Variants in MIA2 observed in about 807,000 individuals in gnomAD.
MIA2 encodes melanoma inhibitory activity protein 2.
Under a neutral mutation model 167.8 loss-of-function variants are expected in MIA2, and 127 were observed. The observed-to-expected ratio is 0.76, with a 90% CI of 0.66 to 0.88. The LOEUF (loss-of-function observed/expected upper bound fraction) is 0.88, where lower values mean the gene tolerates loss of function less well. MIA2 is among the 40% of genes least tolerant of loss of function. MIA2 has a pLI of 0.00. For missense variants in MIA2, 1,690 were observed against 1,624.7 expected, an observed-to-expected ratio of 1.04 and a Z score of -0.69; for synonymous variants, 552 against 541.9, an observed-to-expected ratio of 1.02 and a Z score of -0.26.
chr14:39,281,952 A>AT (rs2059015345), intron 9 of MIA2, among the ~76,000 whole-genome samples: 1 of 151,842 alleles, frequency 6.6e-6, no homozygotes, highest in Non-Finnish European at 1.5e-5. Context: ...TTTATGTGTT[A>AT]TTTTTATTTT....
intron 9 of MIA2, among the ~76,000 whole-genome samples, chr14:39,286,925 C>T (rs1171361486): frequency 1.3e-5 from 2 of 151,282 alleles, no homozygotes; most frequent in Admixed American, 1.3e-4. Flanking sequence ...AGGGTTTCAC[C>T]ATGTTGGACA....
rs1447752279 is a variant in MIA2 at position 39,356,873 on chromosome 14, T to G, written c.2248+7896T>G. On this transcript the variant is annotated intron_variant, in intron 23 of 23. Coordinates refer to the MIA2 transcript ENST00000341502. Reference sequence around the variant, plus strand: ...GTAGTTGAGCAGTTTTGAGTGAGTTTCTTAATCCTGAGTTCTAGTTTGATT... The same window carrying G: ...GTAGTTGAGCAGTTTTGAGTGAGTTGCTTAATCCTGAGTTCTAGTTTGATT... Among the ~76,000 whole-genome samples, 3 of 152,232 alleles carry G rather than the reference T, an allele frequency of 2.0e-5. No individual in the cohort carries two copies. In the East Asian group the frequency reaches 5.8e-4, roughly 29 times the overall value.
At chr14:39,327,456 A>G (rs1402878222) in intron 25 of MIA2, among the ~76,000 whole-genome samples, 1 of 152,146 alleles carries the variant, frequency 6.6e-6, no homozygotes, top group East Asian at 1.9e-4. Context: ...TGTACCATTC[A>G]TCCTCTTTTG....
At chr14:39,302,082 G>A (rs757015692) in intron 14 of MIA2, 47 bp from the exon 15 acceptor site, 3 of 1,585,988 alleles carry the variant, frequency 1.9e-6, no homozygotes, top group Admixed American at 3.5e-5. Flanking sequence ...AAAGCTGTTA[G>A]CATAAGGCAT....
rs1314742019 is a variant in MIA2 at position 39,347,701 on chromosome 14, T to C, written c.3779-12T>C. ...AATCATGTACTTTTCATGGTTTAACTTTTATGTCTAGATGGGTCAATGCCT... is the reference window on the plus strand; with the variant it reads ...AATCATGTACTTTTCATGGTTTAACCTTTATGTCTAGATGGGTCAATGCCT... On this transcript the variant is annotated splice_polypyrimidine_tract_variant and intron_variant, in intron 26 of 28. Transcript: ENST00000640607. 2 of 1,611,880 alleles carry C rather than the reference T, an allele frequency of 1.2e-6. No homozygotes were observed. Among genetic ancestry groups the C allele is most frequent in the African/African-American group, 1.3e-5 (1 of 74,786 alleles).
At chr14:39,331,421 T>C (rs2068850752) in intron 25 of MIA2, among the ~76,000 whole-genome samples, 1 of 152,244 alleles carries the variant, frequency 6.6e-6, no homozygotes, top group South Asian at 2.1e-4. Flanking sequence ...TTTGCCATTC[T>C]CTGTCTTTTA....
At chr14:39,301,832 G>A (rs1190698577) in intron 14 of MIA2, among the ~76,000 whole-genome samples, 3 of 152,046 alleles carry the variant, frequency 2.0e-5, no homozygotes, top group Non-Finnish European at 4.4e-5. Context: ...TGTTATTTGT[G>A]GCATGTGAGA....
In MIA2 at chr14:39,349,096, G is replaced by T. The variant is rs531919260; in HGVS notation, c.4072+119G>T. 1.7e-4 allele frequency: 208 copies of T among 1,254,912 alleles called. No homozygotes were observed. In the African/African-American group the frequency reaches 2.9e-3, roughly 18 times the overall value. The allele number at this position is 1,254,912 out of a possible 1,614,324, so 77.7% of individuals were successfully genotyped here. A position where few individuals can be genotyped will look rare whatever the true frequency, so the allele number is the denominator to read the frequency against. ...AGGAAAGTTTTTTCTAGCATTCTGTGAATCTGAAAATTCTCATTACTTTTC... is the reference window on the plus strand; with the variant it reads ...AGGAAAGTTTTTTCTAGCATTCTGTTAATCTGAAAATTCTCATTACTTTTC... On this transcript the variant is annotated intron_variant, in intron 28 of 28. Coordinates refer to ENST00000640607, the MANE Select transcript of MIA2 (RefSeq NM_001329214.4).
Position 39,250,760 on chromosome 14 carries a change from T to C in MIA2, c.1568-1988T>C, listed in dbSNP as rs182450067. Among the ~76,000 whole-genome samples, 26 of 149,636 alleles carry C rather than the reference T, an allele frequency of 1.7e-4. 1 individual carries two copies. In the East Asian group the frequency reaches 3.9e-3, roughly 22 times the overall value. On this transcript the variant is annotated intron_variant, in intron 4 of 28. Transcript: ENST00000640607. ...TAAAATTTATCATTTTATATAGAGA[T>C]ACTGGAAGAATTTCTAAAATTGGTA...
chr14:39,285,544 C>T (rs537610965), intron 9 of MIA2, among the ~76,000 whole-genome samples: 9 of 141,528 alleles, frequency 6.4e-5, no homozygotes, highest in Non-Finnish European at 7.7e-5. Flanking sequence ...CCCTCCCGGA[C>T]GGGATGGCTG....
Position 39,294,033 on chromosome 14 carries a change from G to A in MIA2, c.2353G>A (p.Glu785Lys), listed in dbSNP as rs1489619222. The change falls in exon 12 of 29, where the codon GAA becomes AAA. Residue 785 changes from glutamate to lysine, a missense_variant. Coordinates refer to ENST00000640607, the MANE Select transcript of MIA2 (RefSeq NM_001329214.4). ...TATTTCAAAAAGGATACAGTCTCTA[G>A]AAGATGAGTCAAAATCCCTCAAATC... is the stretch of plus-strand genomic sequence containing the variant. ...ADISKRIQSL[E>K]DESKSLKSQV... 6.2e-7 allele frequency: 1 copy of A among 1,612,386 alleles called. No individual in the cohort carries two copies. The highest frequency in any genetic ancestry group is 8.5e-7 in the Non-Finnish European group (1 of 1,179,058).
intron 1 of MIA2, 62 bp from the exon 2 acceptor site, chr14:39,236,860 G>T: frequency 6.9e-7 from 1 of 1,451,500 alleles, no homozygotes. Flanking sequence ...ACAGCAAGAT[G>T]AAAGGAGGAG....
chr14:39,243,215 T>A (rs536542057), intron 3 of MIA2, among the ~76,000 whole-genome samples: 1 of 151,930 alleles, frequency 6.6e-6, no homozygotes, highest in Non-Finnish European at 1.5e-5. Flanking sequence ...AAGGTCTCAG[T>A]TGATTTCCTA....
intron 28 of MIA2, among the ~76,000 whole-genome samples, chr14:39,349,870 A>C (rs2074157210): frequency 1.3e-5 from 2 of 152,212 alleles, no homozygotes; most frequent in African/African-American, 4.8e-5. Flanking sequence ...ACAGGTGTTA[A>C]GATAGGACAA....
chr14:39,342,953 T>C (rs2072331804), intron 25 of MIA2, among the ~76,000 whole-genome samples: 1 of 152,194 alleles, frequency 6.6e-6, no homozygotes, highest in Non-Finnish European at 1.5e-5. Context: ...TTAATTGTGG[T>C]ATGGTATTTC....
At chr14:39,316,876 G>T (rs900662487) in intron 21 of MIA2, among the ~76,000 whole-genome samples, 3 of 152,162 alleles carry the variant, frequency 2.0e-5, no homozygotes, top group Non-Finnish European at 4.4e-5. Context: ...ACATCTTACA[G>T]ATCTTACAGA....
At chr14:39,329,284 C>G (rs553514535) in intron 25 of MIA2, among the ~76,000 whole-genome samples, 1 of 152,192 alleles carries the variant, frequency 6.6e-6, no homozygotes, top group South Asian at 2.1e-4. Flanking sequence ...TATAGGAATG[C>G]TTGTGATTTT....
intron 9 of MIA2, among the ~76,000 whole-genome samples, chr14:39,286,697 T>C (rs1159991934): frequency 0.016 from 44 of 2,766 alleles, 10 homozygotes; most frequent in Non-Finnish European, 0.051. Context: ...TCCTTCTTAC[T>C]TTTTTTTTTT....
intron 13 of MIA2, among the ~76,000 whole-genome samples, chr14:39,296,389 G>T (rs2152845337): frequency 6.6e-6 from 1 of 151,822 alleles, no homozygotes; most frequent in Non-Finnish European, 1.5e-5. Context: ...TTGCTTTTAA[G>T]AAGTCAGAAG....
Sources: gnomAD v4.1 joint callset for allele counts (sites outside exome capture counted in the v4.1 genomes callset) on GRCh38, gnomAD v4.1.1 for gene constraint, MANE v1.5 for transcripts, NCBI Gene and HGNC (gene_info 2026-07-23, HGNC 2026-07-21) for gene names.